SNRK: variants seen among roughly 807,000 people sequenced by gnomAD.
The protein encoded by SNRK is SNF-related serine/threonine-protein kinase.
A neutral mutation model predicts 48.2 loss-of-function variants in SNRK; 3 were observed. The observed-to-expected ratio is 0.06, with a 90% confidence interval of 0.03 to 0.16. The LOEUF is 0.16. SNRK is among the 10% of genes least tolerant of loss of function. SNRK has a pLI of 1.00. For missense variants in SNRK, 627 were observed against 976.0 expected (o/e 0.64, Z 4.76); for synonymous variants, 376 against 366.1 (o/e 1.03, Z -0.31).
chr3:43,290,461 A>G (rs1477443938), intron 1 of SNRK, among the ~76,000 whole-genome samples: 1 of 152,222 alleles, frequency 6.6e-6, no homozygotes, highest in Non-Finnish European at 1.5e-5. Context: ...ACTCTCCGCT[A>G]GAGTCATTCT....
chr3:43,289,487 A>C (rs967188548), intron 1 of SNRK, among the ~76,000 whole-genome samples: 8 of 152,054 alleles, frequency 5.3e-5, no homozygotes, highest in African/African-American at 1.9e-4. Flanking sequence ...TTTTGTTTTA[A>C]CTTTGGGAAG....
intron 3 of SNRK, among the ~76,000 whole-genome samples, chr3:43,312,966 G>A (rs1382465308): frequency 6.6e-6 from 1 of 152,166 alleles, no homozygotes. Flanking sequence ...TACTACAGAT[G>A]CCAGTCTTCC....
At chr3:43,328,033 T>G (rs1338569831) in intron 3 of SNRK, among the ~76,000 whole-genome samples, 3 of 152,068 alleles carry the variant, frequency 2.0e-5, no homozygotes, top group Non-Finnish European at 4.4e-5. Context: ...CAAGTGCCTA[T>G]AGCTGGGTCT....
Position 43,303,775 on chromosome 3 carries a change from A to G in SNRK, c.572A>G (p.Tyr191Cys). The change falls in exon 3 of 7, where the codon TAT becomes TGT. Residue 191 changes from tyrosine (Y) to cysteine (C), a missense_variant. Coordinates refer to ENST00000296088, the MANE Select transcript of SNRK (RefSeq NM_017719.5). The surrounding 1 kb of genome is among the most constrained non-coding windows in gnomAD (Gnocchi z 6.2). The part of the protein sequence containing the change: ...SAPEILLGDE[Y>C]DAPAVDIWSL... ...CCAGAAATTCTGCTTGGTGATGAGT[A>G]TGATGCACCTGCAGTAGGTAGGTAA... 1 of 1,612,692 alleles carries G rather than the reference A, an allele frequency of 6.2e-7. No individual in the cohort carries two copies. The highest frequency in any genetic ancestry group is 8.5e-7 in the Non-Finnish European group (1 of 1,179,162).
chr3:43,347,930 T>G lies in SNRK; in HGVS notation c.1671T>G (p.Asp557Glu), dbSNP rs201010640. ...DSESRRRLDK[D>E]SGFTYSWHRR... ...AAAGCCGGCGGCGGCTCGATAAAGA[T>G]AGCGGGTTCACCTACTCCTGGCACC... Residue 557 changes from aspartate (D) to glutamate (E), a missense_variant, in exon 7 of 7, where the codon GAT (aspartate) becomes GAG (glutamate). By Grantham distance (45) the Asp-to-Glu change is conservative. Around this residue, in one of 4 missense-constraint regions of SNRK, gnomAD observed 98 missense variants for 175.2 expected, o/e 0.56. Transcript: ENST00000296088. The surrounding 1 kb of genome is among the most constrained non-coding windows in gnomAD (Gnocchi z 5.4). 8 of 1,613,936 alleles carry G rather than the reference T, an allele frequency of 5.0e-6. No homozygotes were observed. The highest frequency in any genetic ancestry group is 6.8e-6 in the Non-Finnish European group (8 of 1,180,030).
At chr3:43,342,709 TG>T (rs2091246405) in intron 5 of SNRK, among the ~76,000 whole-genome samples, 1 of 152,220 alleles carries the variant, frequency 6.6e-6, no homozygotes, top group African/African-American at 2.4e-5. Flanking sequence ...CTGTGGGCCT[TG>T]GTGGGCCTTG....
At chr3:43,334,168 G>A (rs1019830627) in intron 4 of SNRK, among the ~76,000 whole-genome samples, 1 of 151,352 alleles carries the variant, frequency 6.6e-6, no homozygotes, top group Non-Finnish European at 1.5e-5. Flanking sequence ...ATTATTATTG[G>A]GGCCAGGCAT....
intron 4 of SNRK, among the ~76,000 whole-genome samples, chr3:43,339,862 T>TATATATATATATATAC (rs2091221400): frequency 1.2e-5 from 1 of 81,538 alleles, no homozygotes; most frequent in South Asian, 3.6e-4. Context: ...TATATATATA[T>TATATATATATATATAC]ATATATATAT....
chr3:43,341,706 C>G (rs1382136925), intron 5 of SNRK, among the ~76,000 whole-genome samples: 2 of 152,232 alleles, frequency 1.3e-5, no homozygotes, highest in Non-Finnish European at 2.9e-5. Context: ...ATCCAGTTCC[C>G]TGACTTCGGG....
At chr3:43,295,022 A>G (rs1342573191) in intron 1 of SNRK, among the ~76,000 whole-genome samples, 1 of 152,178 alleles carries the variant, frequency 6.6e-6, no homozygotes, top group African/African-American at 2.4e-5. Context: ...TGGAGTTGTC[A>G]CCATACTAAT....
chr3:43,297,824 C>CT (rs1207554524), intron 1 of SNRK, among the ~76,000 whole-genome samples: 1 of 152,118 alleles, frequency 6.6e-6, no homozygotes, highest in African/African-American at 2.4e-5. Context: ...AACCCCCAGT[C>CT]TTTGATGCCT....
At chr3:43,321,714 C>T (rs1363338297) in intron 3 of SNRK, among the ~76,000 whole-genome samples, 1 of 152,180 alleles carries the variant, frequency 6.6e-6, no homozygotes, top group Admixed American at 6.5e-5. Context: ...ACGGTGTGCG[C>T]CTCTCCTTGC....
rs371913774 is a variant in SNRK, at chr3:43,294,583, A to G, written c.-168-5171A>G. ...CGTATTTTCACCTTAGGGATGCTCA[A>G]CCTGTACACATATTGCCAAATTGTT... is the stretch of plus-strand genomic sequence containing the variant. On this transcript the variant is annotated intron_variant, in intron 1 of 6. Transcript: ENST00000296088. 3.9e-5 allele frequency among the ~76,000 whole-genome samples: 6 copies of G among 152,300 alleles called. No individual in the cohort carries two copies. In the East Asian group the frequency reaches 9.6e-4, roughly 24 times the overall value.
At position 43,347,566 on chromosome 3, in the gene SNRK, C is replaced by T; in HGVS notation, c.1307C>T (p.Ala436Val). ...CCACCCGCAAGCTTAAAACCCACAG[C>T]CAGTGGGCGGAAGTGTCTGTTCAGG... ...TVPPASLKPT[A>V]SGRKCLFRVE... Residue 436 changes from alanine (A) to valine (V), a missense_variant, in exon 7 of 7, where the codon GCC (alanine) becomes GTC (valine). This residue lies in a region of SNRK where 175 missense variants were observed against 209.7 expected (regional missense o/e 0.83). Coordinates refer to ENST00000296088, the MANE Select transcript of SNRK (RefSeq NM_017719.5). The surrounding 1 kb of genome is among the most constrained non-coding windows in gnomAD (Gnocchi z 5.4). 1 of 1,613,906 alleles carries T rather than the reference C, an allele frequency of 6.2e-7. No homozygotes were observed. Among genetic ancestry groups the T allele is most frequent in the Non-Finnish European group, 8.5e-7 (1 of 1,179,924 alleles).
intron 1 of SNRK, among the ~76,000 whole-genome samples, chr3:43,298,770 T>C (rs1207451783): frequency 6.6e-6 from 1 of 152,242 alleles, no homozygotes; most frequent in Non-Finnish European, 1.5e-5. Context: ...TATTCCCTCA[T>C]TGTGCCATGA....
At chr3:43,345,135 G>A (rs2091265954) in intron 6 of SNRK, among the ~76,000 whole-genome samples, 1 of 152,184 alleles carries the variant, frequency 6.6e-6, no homozygotes, top group Admixed American at 6.5e-5. Context: ...AGAGCTTTCT[G>A]AACTGTTTTC....
chr3:43,337,155 C>T (rs1431155388), intron 4 of SNRK, among the ~76,000 whole-genome samples: 2 of 151,946 alleles, frequency 1.3e-5, no homozygotes, highest in Admixed American at 6.6e-5. Flanking sequence ...CTCACCGCAG[C>T]CTCCACCTCC....
At chr3:43,311,801 G>C (rs1027464574) in intron 3 of SNRK, among the ~76,000 whole-genome samples, 3 of 152,102 alleles carry the variant, frequency 2.0e-5, no homozygotes, top group African/African-American at 7.2e-5. Flanking sequence ...TGCTTGTAGT[G>C]AGGTTCCAAG....
intron 2 of SNRK, among the ~76,000 whole-genome samples, chr3:43,300,818 C>G (rs1559459767): frequency 6.6e-6 from 1 of 152,300 alleles, no homozygotes; most frequent in East Asian, 1.9e-4. Flanking sequence ...GTATCAGTTT[C>G]TTATTTAAAA....
Sources: allele counts gnomAD v4.1 joint callset (sites outside exome capture counted in the v4.1 genomes callset), GRCh38; gene constraint gnomAD v4.1.1; regional missense constraint gnomAD v4.1.1; non-coding constraint Gnocchi (gnomAD v3.1); transcripts MANE v1.5; gene names NCBI Gene and HGNC (gene_info 2026-07-23, HGNC 2026-07-21).